ROR2: variants seen among roughly 807,000 people sequenced by gnomAD.
ROR2 encodes the protein ROR family WNT receptor 2.
Under a neutral mutation model 74.9 loss-of-function variants are expected in ROR2, and 33 were observed. The observed-to-expected ratio is 0.44, with a 90% CI of 0.33 to 0.59. The LOEUF (loss-of-function observed/expected upper bound fraction) is 0.59, where lower values mean the gene tolerates loss of function less well. ROR2 is among the 20% of genes least tolerant of loss of function. The pLI is 0.02. For missense variants in ROR2, 1,216 were observed against 1,313.8 expected (o/e 0.93, Z 1.15); for synonymous variants, 586 against 558.7 (o/e 1.05, Z -0.69).
chr9:91,868,867 GGAAT>G (rs1181140417), intron 1 of ROR2, among the ~76,000 whole-genome samples: 1 of 152,158 alleles, frequency 6.6e-6, no homozygotes, highest in Non-Finnish European at 1.5e-5. Flanking sequence ...TGGACCACCA[GGAAT>G]GAAGGAAGAA....
intron 2 of ROR2, among the ~76,000 whole-genome samples, chr9:91,770,368 G>A (rs905703818): frequency 1.4e-4 from 22 of 152,338 alleles, no homozygotes; most frequent in Admixed American, 6.5e-4. Context: ...GCCTGCTGGC[G>A]GTCAGCACGG....
At chr9:91,772,190 C>T (rs1175205770) in intron 2 of ROR2, among the ~76,000 whole-genome samples, 2 of 152,246 alleles carry the variant, frequency 1.3e-5, no homozygotes, top group South Asian at 4.1e-4. Flanking sequence ...ACTACAGGAC[C>T]AGATAATTCA....
intron 1 of ROR2, among the ~76,000 whole-genome samples, chr9:91,789,809 T>C (rs1257125505): frequency 6.6e-6 from 1 of 150,914 alleles, no homozygotes; most frequent in Non-Finnish European, 1.5e-5. Flanking sequence ...AGCAAAATGG[T>C]AGAAGTAAAG....
chr9:91,746,550 C>G (rs1357280409), intron 4 of ROR2, among the ~76,000 whole-genome samples: 1 of 152,172 alleles, frequency 6.6e-6, no homozygotes, highest in Non-Finnish European at 1.5e-5. Context: ...TCCGTGTAGA[C>G]ACACTTGGCG....
chr9:91,948,983 C>T (rs1387600957), intron 1 of ROR2: 1 of 944,078 alleles, frequency 1.1e-6, no homozygotes, highest in African/African-American at 1.8e-5. Flanking sequence ...CCGAACCTCC[C>T]CGCCGTTCCT....
At chr9:91,859,854 T>G (rs1490714719) in intron 1 of ROR2, among the ~76,000 whole-genome samples, 1 of 151,988 alleles carries the variant, frequency 6.6e-6, no homozygotes, top group Non-Finnish European at 1.5e-5. Flanking sequence ...CAAAACCATG[T>G]GTTTCAGCCA....
intron 1 of ROR2, among the ~76,000 whole-genome samples, chr9:91,925,265 G>A (rs151274232): frequency 3.0e-4 from 45 of 152,160 alleles, no homozygotes; most frequent in African/African-American, 1.1e-3. Flanking sequence ...ACACCCTCAT[G>A]ACACCAACCA....
intron 1 of ROR2, among the ~76,000 whole-genome samples, chr9:91,891,257 T>C (rs930774315): frequency 8.6e-5 from 13 of 151,542 alleles, no homozygotes; most frequent in African/African-American, 3.2e-4. Context: ...CCTTTCTTTT[T>C]TTTTTTTTTT....
intron 1 of ROR2, among the ~76,000 whole-genome samples, chr9:91,786,000 T>C (rs1826785718): frequency 6.6e-6 from 1 of 152,020 alleles, no homozygotes; most frequent in Non-Finnish European, 1.5e-5. Context: ...ACGACAGAAG[T>C]GTCTCCAATA....
intron 1 of ROR2, among the ~76,000 whole-genome samples, chr9:91,884,295 G>A (rs1227939439): frequency 6.6e-6 from 1 of 152,044 alleles, no homozygotes; most frequent in East Asian, 1.9e-4. Flanking sequence ...ACCAGCCAAG[G>A]CTGTTCAGAT....
intron 1 of ROR2, among the ~76,000 whole-genome samples, chr9:91,781,823 T>C (rs551688018): frequency 6.6e-6 from 1 of 152,334 alleles, no homozygotes; most frequent in East Asian, 1.9e-4. Context: ...GTTTCACCAA[T>C]TTGAACTTTG....
intron 8 of ROR2, among the ~76,000 whole-genome samples, chr9:91,726,227 T>C (rs1034885759): frequency 1.3e-5 from 2 of 152,184 alleles, no homozygotes; most frequent in African/African-American, 4.8e-5. Context: ...GTTGTTCTTG[T>C]GTGTCTTCTG....
intron 1 of ROR2, among the ~76,000 whole-genome samples, chr9:91,839,281 T>TAAGTACAGGC (rs1563991907): frequency 3.6e-4 from 53 of 148,298 alleles, no homozygotes; most frequent in African/African-American, 1.4e-3. Flanking sequence ...TGTGTGTGTG[T>TAAGTACAGGC]GTGTGTGTGT....
rs369719456 is a variant in ROR2 at position 91,883,339 on chromosome 9, TG to T, written c.97+66527del. 244 of 152,314 alleles carry T rather than the reference TG, an allele frequency of 1.6e-3. 1 individual carries two copies. The highest frequency in any genetic ancestry group is 5.5e-3 in the African/African-American group (230 of 41,566). The allele number at this position is 152,314 out of a possible 1,614,324, so 9.4% of individuals were successfully genotyped here. A position where few individuals can be genotyped will look rare whatever the true frequency, so the allele number is the denominator to read the frequency against. On this transcript the variant is annotated intron_variant, in intron 1 of 8. Coordinates refer to ENST00000375708, the MANE Select transcript of ROR2 (RefSeq NM_004560.4). ...TCAACAGGGTGGGAGTCACTCAACT[TG>T]TTCATTTCATCACTCTTCATGTTTC...
At chr9:91,867,656 CTGTGTGTGTGTGTGTGTGTGTGTG>C (rs57475950) in intron 1 of ROR2, among the ~76,000 whole-genome samples, 1 of 131,288 alleles carries the variant, frequency 7.6e-6, no homozygotes, top group African/African-American at 2.9e-5. Flanking sequence ...CACCCATGAG[CTGTGTGTGTGTGTGTGTGTGTGTG>C]TGTGTGTGTG....
intron 1 of ROR2, among the ~76,000 whole-genome samples, chr9:91,927,337 G>T (rs981334366): frequency 4.6e-5 from 7 of 152,184 alleles, no homozygotes; most frequent in Non-Finnish European, 1.0e-4. Context: ...ACAGGTAAGT[G>T]TAACTTCACA....
At chr9:91,814,044 C>T (rs753884823) in intron 1 of ROR2, among the ~76,000 whole-genome samples, 5 of 152,118 alleles carry the variant, frequency 3.3e-5, no homozygotes, top group Non-Finnish European at 7.3e-5. Flanking sequence ...ATGTTCCAGC[C>T]GGGTATGGTG....
At chr9:91,742,996 A>G (rs2118765825) in intron 4 of ROR2, among the ~76,000 whole-genome samples, 1 of 152,340 alleles carries the variant, frequency 6.6e-6, no homozygotes, top group East Asian at 1.9e-4. Context: ...TCTGTAGCCT[A>G]GGAGCAACAG....
At chr9:91,836,657 ACC>A (rs1300451502) in intron 1 of ROR2, among the ~76,000 whole-genome samples, 1 of 151,710 alleles carries the variant, frequency 6.6e-6, no homozygotes, top group Non-Finnish European at 1.5e-5. Flanking sequence ...CCCCTGCCCC[ACC>A]CCCGGTCTGG....
Sources: allele counts gnomAD v4.1 joint callset (sites outside exome capture counted in the v4.1 genomes callset), GRCh38; gene constraint gnomAD v4.1.1; transcripts MANE v1.5; gene names NCBI Gene and HGNC (gene_info 2026-07-23, HGNC 2026-07-21).